MARCHF1: variants seen among roughly 807,000 people sequenced by gnomAD.
The protein encoded by MARCHF1 is E3 ubiquitin-protein ligase MARCHF1.
A neutral mutation model predicts 54.2 loss-of-function variants in MARCHF1; 40 were observed. That is an observed-to-expected ratio of 0.74 (90% CI 0.57 to 0.96). The LOEUF is 0.96. MARCHF1 is among the 40% of genes least tolerant of loss of function. The pLI is 0.00. For missense variants in MARCHF1, 586 were observed against 656.5 expected (o/e 0.89, Z 1.17); for synonymous variants, 236 against 236.3 (o/e 1.00, Z 0.01).
chr4:163,751,717 A>G (rs2110782726), intron 4 of MARCHF1, among the ~76,000 whole-genome samples: 1 of 152,256 alleles, frequency 6.6e-6, no homozygotes, highest in South Asian at 2.1e-4. Flanking sequence ...AACATTCCTG[A>G]CTGAAAGACA....
At chr4:164,087,197 G>T (rs1579522029) in intron 2 of MARCHF1, among the ~76,000 whole-genome samples, 1 of 151,966 alleles carries the variant, frequency 6.6e-6, no homozygotes, top group South Asian at 2.1e-4. Context: ...TAAGAATGCT[G>T]AAAAGGAGAC....
intron 7 of MARCHF1, among the ~76,000 whole-genome samples, chr4:163,609,055 A>G (rs1319874165): frequency 6.6e-6 from 1 of 152,058 alleles, no homozygotes; most frequent in Non-Finnish European, 1.5e-5. Context: ...TTCAGTGTTT[A>G]ATATCTTTAG....
chr4:164,063,156 C>T (rs541103990), intron 2 of MARCHF1, among the ~76,000 whole-genome samples: 73 of 152,230 alleles, frequency 4.8e-4, no homozygotes, highest in African/African-American at 1.5e-3. Context: ...AAGGGCCCTA[C>T]GATTTTCAGA....
chr4:163,553,057 A>G (rs1739168340), intron 8 of MARCHF1, among the ~76,000 whole-genome samples: 1 of 148,742 alleles, frequency 6.7e-6, no homozygotes, highest in Admixed American at 6.7e-5. Flanking sequence ...AAAAAGAAGA[A>G]TGAGCGCTCT....
At chr4:164,266,389 G>A (rs1579674481) in intron 1 of MARCHF1, among the ~76,000 whole-genome samples, 1 of 152,158 alleles carries the variant, frequency 6.6e-6, no homozygotes, top group South Asian at 2.1e-4. Flanking sequence ...TTGAAATAAT[G>A]CTAGCCAATA....
chr4:163,729,841 T>C lies in MARCHF1; in HGVS notation c.112-28978A>G, dbSNP rs1180982626. ...ATGTGAGAAATTGGTTCTGTTTGTCTTTAAAATTCTCTTTGTCCTTGTCTT... is the reference window on the plus strand; with the variant it reads ...ATGTGAGAAATTGGTTCTGTTTGTCCTTAAAATTCTCTTTGTCCTTGTCTT... On this transcript the variant is annotated intron_variant, in intron 4 of 9. Transcript: ENST00000514618. 1.0e-3 allele frequency among the ~76,000 whole-genome samples: 159 copies of C among 152,162 alleles called. 2 individuals are homozygous for C. The highest frequency in any genetic ancestry group is 0.01 in the Admixed American group (158 of 15,274).
At chr4:163,546,649 A>G (rs1459751334) in intron 8 of MARCHF1, among the ~76,000 whole-genome samples, 2 of 152,222 alleles carry the variant, frequency 1.3e-5, no homozygotes, top group African/African-American at 4.8e-5. Context: ...GCGATACTAG[A>G]AAATCTGCTG....
intron 3 of MARCHF1, among the ~76,000 whole-genome samples, chr4:163,977,940 CT>C (rs1752681426): frequency 1.3e-5 from 2 of 152,078 alleles, no homozygotes; most frequent in Non-Finnish European, 2.9e-5. Flanking sequence ...AGGAGCATTA[CT>C]ACCATAAAAG....
chr4:163,648,151 T>C (rs1742828802), intron 5 of MARCHF1, among the ~76,000 whole-genome samples: 1 of 151,902 alleles, frequency 6.6e-6, no homozygotes, highest in Non-Finnish European at 1.5e-5. Context: ...AAACTTGGGA[T>C]TTTTCCTCTT....
At chr4:163,674,055 T>G (rs1240605540) in intron 5 of MARCHF1, among the ~76,000 whole-genome samples, 1 of 152,244 alleles carries the variant, frequency 6.6e-6, no homozygotes, top group Non-Finnish European at 1.5e-5. Context: ...AGGCCCCTAG[T>G]GATCTTTAAA....
At chr4:164,300,893 T>C (rs537377934) in intron 1 of MARCHF1, among the ~76,000 whole-genome samples, 19 of 152,220 alleles carry the variant, frequency 1.2e-4, no homozygotes, top group Non-Finnish European at 2.6e-4. Flanking sequence ...CCCAGTCTCA[T>C]TCAGGGTGGC....
At chr4:164,023,773 T>C (rs1753714807) in intron 2 of MARCHF1, among the ~76,000 whole-genome samples, 1 of 152,046 alleles carries the variant, frequency 6.6e-6, no homozygotes, top group African/African-American at 2.4e-5. Context: ...ATTCAAAATC[T>C]GAATGACAAG....
At position 164,313,348 on chromosome 4, in the gene MARCHF1, C is replaced by CAAAA. The variant is rs553280791; in HGVS notation, c.-323+70518_-323+70521dup. 1.4e-3 allele frequency among the ~76,000 whole-genome samples: 114 copies of CAAAA among 80,222 alleles called. 5 individuals carry two copies. The highest frequency in any genetic ancestry group is 4.4e-3 in the South Asian group (11 of 2,472). The allele number at this position is 80,222 out of a possible 152,430, so 52.6% of individuals were successfully genotyped here. On this transcript the variant is annotated intron_variant, in intron 1 of 9. Coordinates refer to ENST00000514618, the MANE Select transcript of MARCHF1 (RefSeq NM_001394959.1). The stretch of plus-strand genomic sequence containing the variant: ...TGGGTGGCAGAGCAAGACTCTGTCT[C>CAAAA]AAAAAAAAAAAAAAAAAAAGTGTAG...
intron 1 of MARCHF1, among the ~76,000 whole-genome samples, chr4:164,265,239 A>T (rs547109448): frequency 6.6e-6 from 1 of 152,288 alleles, no homozygotes; most frequent in South Asian, 2.1e-4. Flanking sequence ...TATATTAAGT[A>T]ATGTCTTAGT....
chr4:163,731,722 GATTAGTAGACA>G (rs1745836207), intron 4 of MARCHF1, among the ~76,000 whole-genome samples: 1 of 152,138 alleles, frequency 6.6e-6, no homozygotes, highest in African/African-American at 2.4e-5. Context: ...CACTCAAAAG[GATTAGTAGACA>G]CATTGTCTAG....
chr4:163,571,442 A>C (rs1739839626), intron 8 of MARCHF1, among the ~76,000 whole-genome samples: 1 of 152,102 alleles, frequency 6.6e-6, no homozygotes, highest in African/African-American at 2.4e-5. Flanking sequence ...AAAAATGATG[A>C]ATCGTAAGTG....
intron 2 of MARCHF1, among the ~76,000 whole-genome samples, chr4:164,087,875 C>G (rs1755223258): frequency 6.6e-6 from 1 of 151,670 alleles, no homozygotes; most frequent in South Asian, 2.1e-4. Context: ...TAAAACCCAG[C>G]TGGAATCTGT....
At position 164,129,409 on chromosome 4, in the gene MARCHF1, A is replaced by C. The variant is rs144357413; in HGVS notation, c.-322-17747T>G. ...AATTGAATTAACATAATATTTTATTAATGTAAATTTGTATTTTCCTATTCT... is the reference window on the plus strand; with the variant it reads ...AATTGAATTAACATAATATTTTATTCATGTAAATTTGTATTTTCCTATTCT... On this transcript the variant is annotated intron_variant, in intron 1 of 9. Transcript: ENST00000514618. Among the ~76,000 whole-genome samples the C allele has an allele frequency of 8.9e-3, 1,357 of 152,282 alleles. 21 individuals carry two copies. The highest frequency in any genetic ancestry group is 0.031 in the African/African-American group (1,274 of 41,576).
At chr4:164,287,134 A>AT (rs1462535289) in intron 1 of MARCHF1, among the ~76,000 whole-genome samples, 1 of 148,520 alleles carries the variant, frequency 6.7e-6, no homozygotes. Context: ...ATTTATATAT[A>AT]ACTATAGAAT....
Sources: allele counts gnomAD v4.1 joint callset (sites outside exome capture counted in the v4.1 genomes callset), GRCh38; gene constraint gnomAD v4.1.1; transcripts MANE v1.5; gene names NCBI Gene and HGNC (gene_info 2026-07-23, HGNC 2026-07-21).